Variants in DHX9 observed in about 807,000 individuals in gnomAD.
DHX9 encodes the protein DExH-box helicase 9, also known as ATP-dependent RNA helicase A.
DHX9 carries 27 observed loss-of-function variants against 148.7 expected under a neutral mutation model. That is an observed-to-expected ratio of 0.18 (90% CI 0.13 to 0.25). The LOEUF (loss-of-function observed/expected upper bound fraction) is 0.25, where lower values mean the gene tolerates loss of function less well. Among genes scored for constraint, DHX9 ranks in the 10% least tolerant of loss-of-function variants. DHX9 has a pLI of 1.00. For synonymous variants in DHX9, 529 were observed against 516.6 expected (o/e 1.02, Z -0.33); for missense variants, 796 against 1,559.6 (o/e 0.51, Z 8.25).
chr1:182,867,103 T>A, intron 14 of DHX9, 60 bp downstream of exon 14: 1 of 1,033,096 alleles, frequency 9.7e-7, no homozygotes, highest in Non-Finnish European at 1.4e-6. Flanking sequence ...GAGAAATCAG[T>A]AGAATGTCTT....
intron 3 of DHX9, among the ~76,000 whole-genome samples, chr1:182,845,672 C>T (rs867293077): frequency 2.0e-5 from 3 of 152,332 alleles, no homozygotes; most frequent in Middle Eastern, 6.8e-3. Flanking sequence ...TCAGACACCA[C>T]TTGCAAGTCT....
chr1:182,885,634 G>T (rs1018504153), intron 27 of DHX9, among the ~76,000 whole-genome samples: 15 of 152,126 alleles, frequency 9.9e-5, no homozygotes, highest in Admixed American at 7.2e-4. Flanking sequence ...ATTGGCATTT[G>T]ATCTATCTGT....
rs1162130840 is a variant in DHX9 at position 182,879,289 on chromosome 1, A to G, written c.2391A>G (p.Pro797=). 14 of 1,538,196 alleles carry G rather than the reference A, an allele frequency of 9.1e-6. No individual in the cohort carries two copies. Among genetic ancestry groups the G allele is most frequent in the Admixed American group, 3.4e-5 (2 of 58,242 alleles). ...THMTPEMFRT[P]LHEIALSIKL... ...TGACACCAGAGATGTTCCGAACACC[A>G]TTGCATGAAATTGCTCTTAGCATAA... The change falls in exon 21 of 28, where the codon CCA becomes CCG. Residue 797 remains proline (P), a synonymous_variant. Transcript: ENST00000367549.
rs1470848818 is a variant in DHX9, at chr1:182,887,731, A to G, written c.*297A>G. 6 of 313,392 alleles carry G rather than the reference A, an allele frequency of 1.9e-5. No individual in the cohort carries two copies. The East Asian group carries it at 3.8e-4, about 20-fold the overall frequency. The allele number at this position is 313,392 out of a possible 1,614,324, so 19.4% of individuals were successfully genotyped here. Reference sequence around the variant, plus strand: ...CTGGCTTTCGTTTAATACAATAGAAAATAAAGTATTACACCGAATACTTGC... The same window carrying G: ...CTGGCTTTCGTTTAATACAATAGAAGATAAAGTATTACACCGAATACTTGC... On this transcript the variant is annotated 3_prime_UTR_variant, in exon 28 of 28. Transcript: ENST00000367549.
chr1:182,878,485 T>C (rs1025970660), intron 20 of DHX9, among the ~76,000 whole-genome samples: 2 of 152,234 alleles, frequency 1.3e-5, no homozygotes, highest in Non-Finnish European at 2.9e-5. Flanking sequence ...TCTTGTTTCC[T>C]CAGTTGTAAA....
chr1:182,861,661 G>T (rs1668366124), intron 12 of DHX9, among the ~76,000 whole-genome samples: 1 of 152,188 alleles, frequency 6.6e-6, no homozygotes, highest in Non-Finnish European at 1.5e-5. Context: ...AAAAATTCCT[G>T]CCCAAGTGAG....
intron 3 of DHX9, among the ~76,000 whole-genome samples, chr1:182,849,924 TTTAC>T (rs1165753997): frequency 6.9e-6 from 1 of 144,104 alleles, no homozygotes; most frequent in African/African-American, 2.5e-5. Context: ...TAACTTTATT[TTTAC>T]TTGTGTTTTT....
chr1:182,861,731 C>T (rs1668367175), intron 12 of DHX9, among the ~76,000 whole-genome samples: 1 of 152,200 alleles, frequency 6.6e-6, no homozygotes, highest in African/African-American at 2.4e-5. Flanking sequence ...ATTAGCAAAC[C>T]TGTGTCTTCT....
At chr1:182,843,491 T>C (rs1667968653) in intron 3 of DHX9, 57 bp downstream of exon 3, 3 of 1,430,944 alleles carry the variant, frequency 2.1e-6, no homozygotes, top group Admixed American at 2.5e-5. Flanking sequence ...ACAAACTCAA[T>C]ATGCGTAAGA....
At chr1:182,868,146 A>G (rs1648383435) in intron 14 of DHX9, among the ~76,000 whole-genome samples, 1 of 152,184 alleles carries the variant, frequency 6.6e-6, no homozygotes, top group Admixed American at 6.5e-5. Flanking sequence ...CAAAATATAT[A>G]TTTCATAATA....
At chr1:182,843,832 C>T (rs1323148066) in intron 3 of DHX9, among the ~76,000 whole-genome samples, 1 of 152,212 alleles carries the variant, frequency 6.6e-6, no homozygotes, top group Admixed American at 6.5e-5. Flanking sequence ...AGGTCTTGCT[C>T]TGTTACCCAA....
At chr1:182,883,427 G>A in intron 25 of DHX9, 59 bp downstream of exon 25, 1 of 1,582,710 alleles carries the variant, frequency 6.3e-7, no homozygotes, top group Admixed American at 1.7e-5. Flanking sequence ...CAATCATTAG[G>A]AACATGAATT....
intron 3 of DHX9, among the ~76,000 whole-genome samples, chr1:182,851,882 A>T (rs1668157307): frequency 6.6e-6 from 1 of 152,260 alleles, no homozygotes; most frequent in African/African-American, 2.4e-5. Flanking sequence ...GTAGAAAGAT[A>T]CTTTTTTGAC....
At position 182,874,885 on chromosome 1, in the gene DHX9, C is replaced by G; in HGVS notation, c.1746C>G (p.Thr582=). 1 of 1,612,532 alleles carries G rather than the reference C, an allele frequency of 6.2e-7. No homozygotes were observed. The highest frequency in any genetic ancestry group is 8.5e-7 in the Non-Finnish European group (1 of 1,179,236). The change falls in exon 16 of 28, where the codon ACC becomes ACG. Residue 582 remains threonine (T), a synonymous_variant. Transcript: ENST00000367549. ...TTCTGGAAGACTGCATTCAGATGACCCACTTTGTTCCTCCACCAAAAGACA... is the reference window on the plus strand; with the variant it reads ...TTCTGGAAGACTGCATTCAGATGACGCACTTTGTTCCTCCACCAAAAGACA... ...EYFLEDCIQM[T]HFVPPPKDKK... is the part of the protein sequence containing the mutation.
chr1:182,887,491 T>C lies in DHX9; in HGVS notation c.*57T>C. ...AGTAAGGAAAAAAAGGCATGCTATGTGTTACGTGTTTTTTCCAGTATGTTT... is the reference window on the plus strand; with the variant it reads ...AGTAAGGAAAAAAAGGCATGCTATGCGTTACGTGTTTTTTCCAGTATGTTT... On this transcript the variant is annotated 3_prime_UTR_variant, in exon 28 of 28. Coordinates refer to ENST00000367549, the MANE Select transcript of DHX9 (RefSeq NM_001357.5). The C allele has an allele frequency of 6.9e-7, 1 of 1,452,266 alleles. No individual in the cohort carries two copies. 90.0% of individuals were successfully genotyped at this position (1,452,266 alleles called of 1,614,324 possible).
intron 15 of DHX9, 87 bp from the exon 16 acceptor site, chr1:182,874,766 GT>G: frequency 9.5e-7 from 1 of 1,056,528 alleles, no homozygotes; most frequent in African/African-American, 1.6e-5. Context: ...TATTAAAGTA[GT>G]TTTGAACTAT....
intron 12 of DHX9, among the ~76,000 whole-genome samples, chr1:182,863,078 TG>T (rs1648059818): frequency 6.6e-6 from 1 of 152,242 alleles, no homozygotes; most frequent in Admixed American, 6.5e-5. Context: ...GGAGGACAGT[TG>T]GAACTATTCT....
chr1:182,877,841 A>G lies in DHX9; in HGVS notation c.2199-180A>G, dbSNP rs115175231. On this transcript the variant is annotated intron_variant, in intron 19 of 27. Transcript: ENST00000367549. Reference sequence around the variant, plus strand: ...AGTGGATGTTACATTGCCTTTTAGTAGGTTGACAACTAGGAGTTTGCAGTC... The same window carrying G: ...AGTGGATGTTACATTGCCTTTTAGTGGGTTGACAACTAGGAGTTTGCAGTC... The G allele has an allele frequency of 1.9e-3, 1,304 of 695,394 alleles. 12 individuals are homozygous for G. The highest frequency in any genetic ancestry group is 0.018 in the African/African-American group (995 of 55,408). The allele number at this position is 695,394 out of a possible 1,614,324, so 43.1% of individuals were successfully genotyped here.
intron 18 of DHX9, 59 bp from the exon 19 acceptor site, chr1:182,876,771 A>C (rs1648823767): frequency 1.5e-6 from 2 of 1,301,292 alleles, no homozygotes; most frequent in South Asian, 2.5e-5. Flanking sequence ...TAAGCAAATC[A>C]GTCCTTTTAA....
Sources: gnomAD v4.1 joint callset for allele counts (sites outside exome capture counted in the v4.1 genomes callset) on GRCh38, gnomAD v4.1.1 for gene constraint, MANE v1.5 for transcripts, NCBI Gene and HGNC (gene_info 2026-07-23, HGNC 2026-07-21) for gene names.